The following COLQ variants were observed in gnomAD, a reference collection of about 807,000 sequenced individuals.
COLQ encodes the protein collagen like tail subunit of asymmetric acetylcholinesterase.
COLQ carries 48 observed loss-of-function variants against 69.0 expected under a neutral mutation model. The ratio of observed to expected loss-of-function variants is 0.70; its 90% CI spans 0.55 to 0.88. The LOEUF (loss-of-function observed/expected upper bound fraction) is 0.88. COLQ is among the 40% of genes least tolerant of loss of function. The pLI is 0.00. For synonymous variants in COLQ, 217 were observed against 211.2 expected (o/e 1.03, Z -0.24); for missense variants, 618 against 594.6 (o/e 1.04, Z -0.41).
In COLQ at chr3:15,479,392, C is replaced by T; in HGVS notation, c.322-10G>A. 2 of 1,613,950 alleles carry T rather than the reference C, an allele frequency of 1.2e-6. No individual in the cohort carries two copies. The highest frequency in any genetic ancestry group is 1.7e-6 in the Non-Finnish European group (2 of 1,179,838). Reference sequence around the variant, plus strand: ...GAAGCCCCGGTGGACCCTAATCAATCAAGATAAAAAGTGAAGAAAGTATAT... The same window carrying T: ...GAAGCCCCGGTGGACCCTAATCAATTAAGATAAAAAGTGAAGAAAGTATAT... On this transcript the variant is annotated splice_polypyrimidine_tract_variant and intron_variant, in intron 3 of 16. Transcript: ENST00000383788.
At chr3:15,494,343 G>T (rs1262733620) in intron 1 of COLQ, among the ~76,000 whole-genome samples, 1 of 152,172 alleles carries the variant, frequency 6.6e-6, no homozygotes, top group Non-Finnish European at 1.5e-5. Flanking sequence ...CTGATGCAGA[G>T]AAACGGGGCC....
At chr3:15,515,378 C>A (rs1426921626) in intron 1 of COLQ, among the ~76,000 whole-genome samples, 1 of 152,170 alleles carries the variant, frequency 6.6e-6, no homozygotes, top group African/African-American at 2.4e-5. Flanking sequence ...GCACCCAGGA[C>A]CCCTCACAGT....
intron 1 of COLQ, among the ~76,000 whole-genome samples, chr3:15,511,434 C>T (rs1575497104): frequency 6.6e-6 from 1 of 152,330 alleles, no homozygotes; most frequent in Middle Eastern, 3.4e-3. Context: ...GAAGTAAGGG[C>T]CAGAGCAGAT....
At chr3:15,492,839 T>A (rs898974568) in intron 1 of COLQ, among the ~76,000 whole-genome samples, 5 of 152,200 alleles carry the variant, frequency 3.3e-5, no homozygotes, top group African/African-American at 1.2e-4. Context: ...ACAGTGATGC[T>A]ACCCATCCCA....
intron 16 of COLQ, 59 bp downstream of exon 16, chr3:15,453,770 A>G (rs1440463330): frequency 8.8e-7 from 1 of 1,139,400 alleles, no homozygotes; most frequent in Non-Finnish European, 1.3e-6. Context: ...GAAAGAAGGA[A>G]AGCAAAGAGG....
At chr3:15,479,143 G>A (rs17484530) in intron 4 of COLQ, 140 bp from the exon 5 acceptor site, 11 of 1,186,028 alleles carry the variant, frequency 9.3e-6, no homozygotes, top group South Asian at 4.9e-5. Flanking sequence ...CTGCCATGTC[G>A]ATAGGCCACG....
intron 2 of COLQ, 54 bp from the exon 3 acceptor site, chr3:15,488,361 G>T (rs2062612155): frequency 2.0e-6 from 3 of 1,484,234 alleles, no homozygotes; most frequent in Admixed American, 1.7e-5. Context: ...ACAGAGGAAG[G>T]GTCACCATCC....
chr3:15,491,041 C>T (rs934505172), intron 1 of COLQ, among the ~76,000 whole-genome samples: 1 of 152,082 alleles, frequency 6.6e-6, no homozygotes. Context: ...CTGAGAAAGC[C>T]CTGATTTGTG....
At chr3:15,467,049 C>T (rs2062210602) in intron 11 of COLQ, among the ~76,000 whole-genome samples, 1 of 152,262 alleles carries the variant, frequency 6.6e-6, no homozygotes, top group Non-Finnish European at 1.5e-5. Flanking sequence ...GCTCTCATAA[C>T]TCAGCCTGTT....
chr3:15,479,081 T>G, intron 4 of COLQ, 78 bp from the exon 5 acceptor site: 1 of 1,562,960 alleles, frequency 6.4e-7, no homozygotes, highest in Non-Finnish European at 8.8e-7. Context: ...GTAGAGCTGA[T>G]GACTGGGCAT....
intron 6 of COLQ, 49 bp from the exon 7 acceptor site, chr3:15,475,536 A>C: frequency 6.6e-7 from 1 of 1,522,710 alleles, no homozygotes; most frequent in Non-Finnish European, 8.9e-7. Flanking sequence ...TTTTTAGAGA[A>C]ACTGAACCAG....
At chr3:15,488,817 A>G (rs1441839999) in intron 2 of COLQ, among the ~76,000 whole-genome samples, 1 of 152,228 alleles carries the variant, frequency 6.6e-6, no homozygotes, top group Non-Finnish European at 1.5e-5. Context: ...CTTTTCTCAT[A>G]CTACTTCTTT....
At chr3:15,498,270 T>C (rs2062777175) in intron 1 of COLQ, among the ~76,000 whole-genome samples, 1 of 152,008 alleles carries the variant, frequency 6.6e-6, no homozygotes, top group African/African-American at 2.4e-5. Flanking sequence ...GTATGCCAGG[T>C]CCCCACCAAC....
chr3:15,512,472 G>A (rs913907964), intron 1 of COLQ, among the ~76,000 whole-genome samples: 2 of 152,170 alleles, frequency 1.3e-5, no homozygotes, highest in African/African-American at 4.8e-5. Flanking sequence ...TGGGGAAGCC[G>A]GTCACCACGA....
intron 1 of COLQ, among the ~76,000 whole-genome samples, chr3:15,513,677 C>T (rs2063018185): frequency 6.6e-6 from 1 of 152,204 alleles, no homozygotes; most frequent in Non-Finnish European, 1.5e-5. Flanking sequence ...ATCCTTGTCT[C>T]AGGCTCCGCT....
At chr3:15,510,858 A>AGAAG (rs10546993) in intron 1 of COLQ, among the ~76,000 whole-genome samples, 10,074 of 146,636 alleles carry the variant, frequency 0.069, 541 homozygotes, top group Admixed American at 0.15. Flanking sequence ...GAGGAAGGAA[A>AGAAG]GAAGGAAGGA....
intron 3 of COLQ, 122 bp from the exon 4 acceptor site, chr3:15,479,504 C>G: frequency 1.1e-6 from 1 of 949,726 alleles, no homozygotes. Context: ...ATGTAGGGCT[C>G]CAGGGACCCA....
At chr3:15,470,714 C>T (rs749397229) in intron 10 of COLQ, 98 bp from the exon 11 acceptor site, 134 of 1,136,006 alleles carry the variant, frequency 1.2e-4, no homozygotes, top group Non-Finnish European at 1.7e-4. Context: ...GGGCAGTCTA[C>T]TTGATCATTC....
intron 1 of COLQ, among the ~76,000 whole-genome samples, chr3:15,505,547 A>G (rs112726494): frequency 1.1e-4 from 16 of 152,356 alleles, no homozygotes; most frequent in African/African-American, 3.4e-4. Flanking sequence ...AGTAGAGAGG[A>G]AGGCGGAGAC....
Sources: allele counts gnomAD v4.1 joint callset (sites outside exome capture counted in the v4.1 genomes callset), GRCh38; gene constraint gnomAD v4.1.1; transcripts MANE v1.5; gene names NCBI Gene and HGNC (gene_info 2026-07-23, HGNC 2026-07-21).